Variants in SLC44A5 observed in about 807,000 individuals in gnomAD.
SLC44A5 encodes the protein solute carrier family 44 member 5, also known as choline transporter-like protein 5.
SLC44A5 carries 57 observed loss-of-function variants against 101.8 expected under a neutral mutation model. The ratio of observed to expected loss-of-function variants is 0.56; its 90% CI spans 0.45 to 0.70. SLC44A5 has a LOEUF of 0.70. Ranked by LOEUF, SLC44A5 falls within the 30% of genes least tolerant of loss-of-function variation. The pLI is 0.00. For missense variants in SLC44A5, 737 were observed against 853.1 expected (o/e 0.86, Z 1.70); for synonymous variants, 281 against 290.9 (o/e 0.97, Z 0.35).
intron 2 of SLC44A5, among the ~76,000 whole-genome samples, chr1:75,468,688 G>A (rs938196781): frequency 3.9e-5 from 6 of 152,166 alleles, no homozygotes; most frequent in Admixed American, 3.9e-4. Context: ...CAGCAATGGG[G>A]TTTGGGGGAT....
In SLC44A5 at chr1:75,339,563, C is replaced by T; in HGVS notation, c.101+19G>A. 6.3e-7 allele frequency: 1 copy of T among 1,592,976 alleles called. No individual in the cohort carries two copies. Among genetic ancestry groups the T allele is most frequent in the Non-Finnish European group, 8.5e-7 (1 of 1,169,650 alleles). On this transcript the variant is annotated intron_variant, in intron 4 of 23. Coordinates refer to ENST00000370859, the MANE Select transcript of SLC44A5 (RefSeq NM_001130058.2). ...GTGTATGTTTAAAAAAGCATATTCCCCAAAAAATAATTGCTTACCTGTTGG... is the reference window on the plus strand; with the variant it reads ...GTGTATGTTTAAAAAAGCATATTCCTCAAAAAATAATTGCTTACCTGTTGG...
At chr1:75,363,848 A>G (rs1220178745) in intron 3 of SLC44A5, among the ~76,000 whole-genome samples, 7 of 152,182 alleles carry the variant, frequency 4.6e-5, no homozygotes, top group Non-Finnish European at 8.8e-5. Flanking sequence ...ATTCCTATTA[A>G]GAAGGCTTAG....
Position 75,604,758 on chromosome 1 carries a change from T to G in SLC44A5, c.-70+6282A>C, listed in dbSNP as rs913331136. On this transcript the variant is annotated intron_variant, in intron 1 of 23. Coordinates refer to ENST00000370859, the MANE Select transcript of SLC44A5 (RefSeq NM_001130058.2). ...CTTGGTTAGAGGTGAAACCAAGGGGTGTGTGTGTATGTGTGTGTGTACTGT... is the reference window on the plus strand; with the variant it reads ...CTTGGTTAGAGGTGAAACCAAGGGGGGTGTGTGTATGTGTGTGTGTACTGT... Among the ~76,000 whole-genome samples the G allele has an allele frequency of 1.3e-4, 11 of 84,030 alleles. No homozygotes were observed. In the East Asian group the frequency reaches 3.2e-3, roughly 25 times the overall value. 55.1% of individuals were successfully genotyped at this position (84,030 alleles called of 152,430 possible). A position where few individuals can be genotyped will look rare whatever the true frequency, so the allele number is the denominator to read the frequency against.
chr1:75,681,132 C>A, the SLC44A5 span, among the ~76,000 whole-genome samples: 1 of 151,908 alleles, frequency 6.6e-6, no homozygotes, highest in Non-Finnish European at 1.5e-5. Context: ...AGCTTACCAA[C>A]CAAAAAGAGT....
the SLC44A5 span, among the ~76,000 whole-genome samples, chr1:75,664,845 T>G: frequency 6.7e-6 from 1 of 149,700 alleles, no homozygotes; most frequent in East Asian, 2.0e-4. Flanking sequence ...GGTGTGAACC[T>G]GGGAGGCTGA....
intron 2 of SLC44A5, among the ~76,000 whole-genome samples, chr1:75,524,725 A>T (rs1332928681): frequency 1.3e-5 from 2 of 152,134 alleles, no homozygotes; most frequent in Non-Finnish European, 2.9e-5. Flanking sequence ...ATTTTAAAGG[A>T]TATTTAACAA....
At position 75,309,892 on chromosome 1, in the gene SLC44A5, G is replaced by A. The variant is rs180975358; in HGVS notation, c.102-9207C>T. Among the ~76,000 whole-genome samples the A allele has an allele frequency of 1.8e-4, 28 of 152,252 alleles. 1 individual carries two copies. Among genetic ancestry groups the A allele is most frequent in the Admixed American group, 1.6e-3 (24 of 15,276 alleles). On this transcript the variant is annotated intron_variant, in intron 4 of 23. Coordinates refer to ENST00000370859, the MANE Select transcript of SLC44A5 (RefSeq NM_001130058.2). ...ATTGTAATGGAAATTTGAATCATTT[G>A]GTTAGAGCCCAAAGTAGTACGAAAA...
chr1:75,630,501 A>T, the SLC44A5 span, among the ~76,000 whole-genome samples: 2 of 152,140 alleles, frequency 1.3e-5, no homozygotes, highest in Non-Finnish European at 2.9e-5. Context: ...GTTCCTGGAG[A>T]CATGCAAAAG....
chr1:75,485,561 C>T (rs1397297370), intron 2 of SLC44A5, among the ~76,000 whole-genome samples: 4 of 152,134 alleles, frequency 2.6e-5, no homozygotes, highest in Admixed American at 2.0e-4. Context: ...CAAACTTCCC[C>T]ACATATTCCT....
the SLC44A5 span, among the ~76,000 whole-genome samples, chr1:75,619,605 T>G: frequency 6.6e-6 from 1 of 152,152 alleles, no homozygotes; most frequent in Non-Finnish European, 1.5e-5. Context: ...AGAACACATC[T>G]GCCAATAATA....
chr1:75,286,736 C>G lies in SLC44A5; in HGVS notation c.176-11694G>C, dbSNP rs190870182. On this transcript the variant is annotated intron_variant, in intron 5 of 23. Coordinates refer to ENST00000370859, the MANE Select transcript of SLC44A5 (RefSeq NM_001130058.2). ...GTATCTTTTTTTTTCATTTATGAAA[C>G]TTGGTTTTGCTGGTTTTGTTTAAGG... Among the ~76,000 whole-genome samples the G allele has an allele frequency of 2.1e-3, 316 of 151,840 alleles. 1 individual carries two copies. Among genetic ancestry groups the G allele is most frequent in the Non-Finnish European group, 3.5e-3 (240 of 67,894 alleles).
At chr1:75,547,155 A>C (rs1370432154) in intron 1 of SLC44A5, among the ~76,000 whole-genome samples, 3 of 152,208 alleles carry the variant, frequency 2.0e-5, no homozygotes, top group African/African-American at 7.2e-5. Context: ...CTGAAGATGA[A>C]ACCTGTGCAG....
At chr1:75,685,663 C>A in the SLC44A5 span, among the ~76,000 whole-genome samples, 1 of 152,128 alleles carries the variant, frequency 6.6e-6, no homozygotes, top group Non-Finnish European at 1.5e-5. Flanking sequence ...GTCTTCTGAG[C>A]CCTTCGAGTC....
At position 75,541,459 on chromosome 1, in the gene SLC44A5, G is replaced by T. The variant is rs376147146; in HGVS notation, c.-12C>A. ...CCTGTGTCATTCATTGAGATAAAAG[G>T]CTGTCTCTTCAGAAGTAGGCCTGAA... is the stretch of plus-strand genomic sequence containing the variant. On this transcript the variant is annotated 5_prime_UTR_variant, in exon 2 of 24. Coordinates refer to ENST00000370859, the MANE Select transcript of SLC44A5 (RefSeq NM_001130058.2). 71 of 1,611,404 alleles carry T rather than the reference G, an allele frequency of 4.4e-5. No homozygotes were observed. Among genetic ancestry groups the T allele is most frequent in the Non-Finnish European group, 5.3e-5 (63 of 1,178,362 alleles).
chr1:75,691,067 C>A, the SLC44A5 span, among the ~76,000 whole-genome samples: 11 of 152,040 alleles, frequency 7.2e-5, no homozygotes, highest in South Asian at 1.0e-3. Context: ...CACATGCACC[C>A]CCCCCTTTCT....
intron 2 of SLC44A5, among the ~76,000 whole-genome samples, chr1:75,471,735 G>A (rs1475031697): frequency 6.6e-6 from 1 of 151,780 alleles, no homozygotes; most frequent in East Asian, 1.9e-4. Flanking sequence ...TCTTAGCTCA[G>A]TCTCTAAACC....
At chr1:75,696,559 G>A in the SLC44A5 span, among the ~76,000 whole-genome samples, 5 of 152,146 alleles carry the variant, frequency 3.3e-5, no homozygotes, top group African/African-American at 4.8e-5. Flanking sequence ...CAACAATACA[G>A]TCAGCCAAGA....
chr1:75,700,093 T>C, the SLC44A5 span, among the ~76,000 whole-genome samples: 1 of 152,130 alleles, frequency 6.6e-6, no homozygotes. Flanking sequence ...ATTAGACAGA[T>C]CAATGAGACA....
the SLC44A5 span, among the ~76,000 whole-genome samples, chr1:75,628,964 A>G: frequency 1.7e-3 from 255 of 152,226 alleles, 4 homozygotes; most frequent in African/African-American, 6.0e-3. Flanking sequence ...TCTACCAGAA[A>G]AGGGAACTAT....
Sources: allele counts gnomAD v4.1 joint callset (sites outside exome capture counted in the v4.1 genomes callset), GRCh38; gene constraint gnomAD v4.1.1; transcripts MANE v1.5; gene names NCBI Gene and HGNC (gene_info 2026-07-23, HGNC 2026-07-21).